PHF20L1: variants seen among roughly 807,000 people sequenced by gnomAD.
PHF20L1 encodes the protein PHD finger protein 20-like protein 1.
In PHF20L1, 44 loss-of-function variants were observed where a neutral mutation model predicts 125.5. The ratio of observed to expected loss-of-function variants is 0.35; its 90% confidence interval spans 0.28 to 0.45. PHF20L1 has a LOEUF of 0.45. PHF20L1 is among the 20% of genes least tolerant of loss of function. The pLI is 1.00. For missense variants in PHF20L1, 1,012 were observed against 1,217.2 expected, an observed-to-expected ratio of 0.83 and a Z score of 2.51; for synonymous variants, 380 against 403.1, an observed-to-expected ratio of 0.94 and a Z score of 0.69.
At chr8:132,795,660 A>G (rs959511396) in intron 4 of PHF20L1, among the ~76,000 whole-genome samples, 2 of 152,086 alleles carry the variant, frequency 1.3e-5, no homozygotes, top group Non-Finnish European at 2.9e-5. Context: ...TTGACCACTT[A>G]CGGTAGTCCT....
intron 12 of PHF20L1, among the ~76,000 whole-genome samples, chr8:132,819,639 C>A (rs910730772): frequency 6.6e-6 from 1 of 151,226 alleles, no homozygotes; most frequent in Non-Finnish European, 1.5e-5. Flanking sequence ...TTCCCCAAGT[C>A]CTTTTACATC....
intron 1 of PHF20L1, 145 bp downstream of exon 1, chr8:132,775,790 G>A: frequency 4.4e-6 from 1 of 228,978 alleles, no homozygotes; most frequent in South Asian, 1.8e-4. Flanking sequence ...TCTGGGCGCC[G>A]CAGCTCCCTC....
Position 132,803,909 on chromosome 8 carries a change from G to A in PHF20L1, c.598G>A (p.Asp200Asn). ...KPRTSANSNKDKDKDERKWFK... is the reference protein window; with the variant it reads ...KPRTSANSNKNKDKDERKWFK... ...TCGAACCAGCGCTAACAGCAATAAA[G>A]ATAAGGATAAAGATGAGAGAAAGTG... The change falls in exon 7 of 21, where the codon GAT becomes AAT. Residue 200 changes from aspartate to asparagine, a missense_variant. By Grantham distance (23) the Asp-to-Asn change is conservative. Around this residue, in one of 7 missense-constraint regions of PHF20L1, gnomAD observed 134 missense variants for 145.9 expected, o/e 0.92. Transcript: ENST00000395386. 6.2e-7 allele frequency: 1 copy of A among 1,611,238 alleles called. No homozygotes were observed. The highest frequency in any genetic ancestry group is 1.3e-5 in the African/African-American group (1 of 74,898).
rs563551182 is a variant in PHF20L1 at position 132,787,413 on chromosome 8, C to T, written c.84-6997C>T. 3.9e-5 allele frequency among the ~76,000 whole-genome samples: 6 copies of T among 152,130 alleles called. No individual in the cohort carries two copies. The East Asian group carries it at 7.7e-4, about 20-fold the overall frequency. ...GTAAAAGTTGTGGACAAGTAGGAAG[C>T]AGGGTGAACTGTCAGCTCATGCCAG... On this transcript the variant is annotated intron_variant, in intron 2 of 20. Transcript: ENST00000395386.
chr8:132,796,274 T>A (rs1371400847), intron 4 of PHF20L1, among the ~76,000 whole-genome samples: 1 of 152,022 alleles, frequency 6.6e-6, no homozygotes, highest in Admixed American at 6.6e-5. Context: ...ATAGAATAGC[T>A]AGAGTACAGG....
rs1185399946 is a variant in PHF20L1, at chr8:132,816,682, A to C, written c.1184-206A>C. Reference sequence around the variant, plus strand: ...TTTTCTTTTAGTTCTAGTAGAGTGTAGATTTTACAATTTTTGATTGACTCA... The same window carrying C: ...TTTTCTTTTAGTTCTAGTAGAGTGTCGATTTTACAATTTTTGATTGACTCA... On this transcript the variant is annotated intron_variant, in intron 10 of 20. Transcript: ENST00000395386. The C allele has an allele frequency of 6.1e-6, 3 of 489,364 alleles. No individual in the cohort carries two copies. In the Admixed American group the frequency reaches 1.1e-4, roughly 19 times the overall value. 30.3% of individuals were successfully genotyped at this position (489,364 alleles called of 1,614,324 possible). A position where few individuals can be genotyped will look rare whatever the true frequency, so the allele number is the denominator to read the frequency against.
intron 6 of PHF20L1, among the ~76,000 whole-genome samples, chr8:132,801,888 G>A (rs970909598): frequency 6.6e-6 from 1 of 151,682 alleles, no homozygotes; most frequent in Non-Finnish European, 1.5e-5. Context: ...TTTAAAAGGT[G>A]CAGTATGATT....
intron 19 of PHF20L1, chr8:132,843,390 A>G: frequency 3.1e-6 from 3 of 980,208 alleles, no homozygotes; most frequent in Non-Finnish European, 3.6e-6. Flanking sequence ...ATTATCTTAG[A>G]AATGTACCTT....
chr8:132,832,197 C>A, intron 14 of PHF20L1, 38 bp from the exon 15 acceptor site: 1 of 1,282,986 alleles, frequency 7.8e-7, no homozygotes, highest in Non-Finnish European at 1.1e-6. Context: ...AATTATCTGA[C>A]ACTTTATTAA....
At chr8:132,802,054 T>A (rs1833118408) in intron 6 of PHF20L1, among the ~76,000 whole-genome samples, 1 of 151,618 alleles carries the variant, frequency 6.6e-6, no homozygotes, top group Non-Finnish European at 1.5e-5. Context: ...AAATGTATGA[T>A]CTCTGTGGCA....
intron 19 of PHF20L1, chr8:132,843,539 A>G (rs1332407077): frequency 4.1e-6 from 4 of 984,588 alleles, no homozygotes; most frequent in African/African-American, 1.8e-5. Context: ...AGTTTGTGGT[A>G]AGTTATTTTG....
chr8:132,801,488 T>C (rs1452055447), intron 6 of PHF20L1, among the ~76,000 whole-genome samples: 1 of 151,792 alleles, frequency 6.6e-6, no homozygotes, highest in Non-Finnish European at 1.5e-5. Flanking sequence ...TATTCTATTA[T>C]GTTATCTACA....
rs1563851116 is a variant in PHF20L1, at chr8:132,837,697, CTCT to C, written c.2092-14_2092-12del. The C allele has an allele frequency of 6.3e-7, 1 of 1,596,442 alleles. No homozygotes were observed. Among genetic ancestry groups the C allele is most frequent in the Admixed American group, 1.7e-5 (1 of 59,840 alleles). ...TGAGGATCGGGTGACTGTAATACTC[CTCT>C]GTTTTCTGCAGTGTGAAGAGTGCTT... On this transcript the variant is annotated splice_polypyrimidine_tract_variant and intron_variant, in intron 16 of 20. Transcript: ENST00000395386.
intron 10 of PHF20L1, chr8:132,815,199 A>C: frequency 5.4e-6 from 1 of 184,932 alleles, no homozygotes; most frequent in Non-Finnish European, 1.1e-5. Flanking sequence ...AAGTTATAAA[A>C]AGACCCAGGA....
chr8:132,799,621 A>T (rs944178025), intron 6 of PHF20L1: 1 of 153,602 alleles, frequency 6.5e-6, no homozygotes, highest in African/African-American at 2.4e-5. Context: ...AGTGTGTAAA[A>T]ATGTCTAATA....
Position 132,816,954 on chromosome 8 carries a change from G to A in PHF20L1, c.1250G>A (p.Arg417His), listed in dbSNP as rs376118084. The change falls in exon 11 of 21, where the codon CGT becomes CAT. Residue 417 changes from arginine to histidine, a missense_variant. Arg to His is a conservative substitution (Grantham distance 29, BLOSUM62 0). This residue lies in a region of PHF20L1 where 119 missense variants were observed against 160.2 expected (regional missense o/e 0.74). Coordinates refer to ENST00000395386, the MANE Select transcript of PHF20L1 (RefSeq NM_016018.5). Reference protein sequence around the residue: ...KHSERRRRSQRLATLPMPDDS... With the variant: ...KHSERRRRSQHLATLPMPDDS... ...AGTGAGCGGAGAAGAAGATCTCAGC[G>A]TTTAGCCACCTTACCCATGCCTGAT... The A allele has an allele frequency of 8.7e-6, 14 of 1,612,020 alleles. No individual in the cohort carries two copies. The highest frequency in any genetic ancestry group is 1.6e-4 in the Middle Eastern group (1 of 6,068).
chr8:132,796,154 A>C (rs1203285038), intron 4 of PHF20L1, among the ~76,000 whole-genome samples: 1 of 152,124 alleles, frequency 6.6e-6, no homozygotes, highest in Non-Finnish European at 1.5e-5. Context: ...GTAGTGATCA[A>C]AGTGCTTTTC....
intron 15 of PHF20L1, 101 bp downstream of exon 15, chr8:132,832,500 G>A: frequency 1.3e-6 from 1 of 781,148 alleles, no homozygotes; most frequent in Admixed American, 2.6e-5. Flanking sequence ...TTAAAAACTT[G>A]TTAGCTAAAC....
chr8:132,825,162 C>T, intron 13 of PHF20L1, 102 bp from the exon 14 acceptor site: 1 of 1,556,540 alleles, frequency 6.4e-7, no homozygotes, highest in Non-Finnish European at 8.8e-7. Context: ...GGGCAGGTGA[C>T]TGGAATAGCT....
Sources: gnomAD v4.1 joint callset for allele counts (sites outside exome capture counted in the v4.1 genomes callset) on GRCh38, gnomAD v4.1.1 for gene constraint, gnomAD v4.1.1 regional missense constraint, MANE v1.5 for transcripts, NCBI Gene and HGNC (gene_info 2026-07-23, HGNC 2026-07-21) for gene names.